Variants in SUMF2 observed in about 807,000 individuals in gnomAD.
SUMF2 encodes inactive C-alpha-formylglycine-generating enzyme 2.
Under a neutral mutation model 44.8 loss-of-function variants are expected in SUMF2, and 45 were observed. That is an observed-to-expected ratio of 1.00 (90% CI 0.79 to 1.29). SUMF2 has a LOEUF of 1.29. Among genes scored for constraint, SUMF2 ranks in the 50% most tolerant of loss-of-function variants. The pLI, the probability that SUMF2 is intolerant of heterozygous loss-of-function variation, is 0.00. For missense variants in SUMF2, 418 were observed against 389.9 expected (o/e 1.07, Z -0.61); for synonymous variants, 148 against 150.4 (o/e 0.98, Z 0.12).
chr7:56,084,516 G>A (rs1472392796), downstream of SUMF2, among the ~76,000 whole-genome samples: 1 of 151,790 alleles, frequency 6.6e-6, no homozygotes, highest in Non-Finnish European at 1.5e-5. Flanking sequence ...TGGGATTACA[G>A]GTGCCCACTA....
At chr7:56,076,216 CG>C (rs1795538802) in intron 5 of SUMF2, among the ~76,000 whole-genome samples, 1 of 152,186 alleles carries the variant, frequency 6.6e-6, no homozygotes, top group South Asian at 2.1e-4. Flanking sequence ...TTAGTAGAGA[CG>C]GGGTTTCACC....
chr7:56,079,440 G>T, intron 8 of SUMF2, 88 bp from the exon 9 acceptor site: 1 of 1,320,688 alleles, frequency 7.6e-7, no homozygotes, highest in Non-Finnish European at 1.0e-6. Context: ...GATCATGGCC[G>T]GCCCTGCGGA....
rs753224132 is a variant in SUMF2, at chr7:56,078,438, G to A, written c.751G>A (p.Val251Ile). Reference sequence around the variant, plus strand: ...CCAGGCTGCTGAGCAGGACATGCGCGTCCTCCGGGGGGCATCCTGGATCGA... The same window carrying A: ...CCAGGCTGCTGAGCAGGACATGCGCATCCTCCGGGGGGCATCCTGGATCGA... ...PYQAAEQDMR[V>I]LRGASWIDTA... The change falls in exon 8 of 9, where the codon GTC (valine) becomes ATC (isoleucine). Residue 251 changes from valine to isoleucine, a missense_variant. By Grantham distance (29) the Val-to-Ile change is conservative (BLOSUM62 3). Coordinates refer to ENST00000434526, the MANE Select transcript of SUMF2 (RefSeq NM_015411.4). The A allele has an allele frequency of 1.2e-5, 19 of 1,609,370 alleles. No homozygotes were observed. The highest frequency in any genetic ancestry group is 3.4e-5 in the Admixed American group (2 of 59,354).
chr7:56,064,832 G>A (rs1203462498), intron 1 of SUMF2, among the ~76,000 whole-genome samples: 1 of 140,644 alleles, frequency 7.1e-6, no homozygotes, highest in African/African-American at 2.7e-5. Context: ...GCAGTGAGCC[G>A]AGATCGTGCC....
At chr7:56,083,693 CA>C, downstream of SUMF2, 1 of 1,582,828 alleles carries the variant, frequency 6.3e-7, no homozygotes, top group Admixed American at 1.8e-5. Flanking sequence ...GTGAGGTAGT[CA>C]AAGAGCTCCC....
downstream of SUMF2, chr7:56,080,704 C>G (rs1249297761): frequency 6.2e-6 from 2 of 320,726 alleles, no homozygotes; most frequent in Non-Finnish European, 1.2e-5. Context: ...CCCTGTGACC[C>G]TAAGGGAAGA....
chr7:56,084,963 G>C (rs905003550), downstream of SUMF2, among the ~76,000 whole-genome samples: 1 of 151,842 alleles, frequency 6.6e-6, no homozygotes. Context: ...GCTGCAGCTG[G>C]TGAGTCTGGA....
chr7:56,081,957 A>T (rs757583640), downstream of SUMF2: 4 of 1,613,962 alleles, frequency 2.5e-6, no homozygotes, highest in Non-Finnish European at 2.5e-6. This position sits in a 1 kb window ranked among gnomAD's most constrained non-coding sequence, Gnocchi z 4.6. Flanking sequence ...GTTGCCGCTC[A>T]TGATCATCCT....
At chr7:56,078,563 G>C in intron 8 of SUMF2, 55 bp downstream of exon 8, 1 of 1,492,602 alleles carries the variant, frequency 6.7e-7, no homozygotes, top group Non-Finnish European at 8.9e-7. Flanking sequence ...GCTGATGTCT[G>C]AATCCCGGTC....
chr7:56,074,826 A>G (rs4948104), intron 5 of SUMF2, 90 bp downstream of exon 5: 1,067,819 of 1,536,130 alleles, frequency 0.7, 372,145 homozygotes, highest in Non-Finnish European at 0.71. Context: ...GGCTGGGCGC[A>G]GTGGCTTATG....
At chr7:56,086,952 C>T in the SUMF2 span, 1 of 1,605,980 alleles carries the variant, frequency 6.2e-7, no homozygotes, top group South Asian at 1.1e-5. Flanking sequence ...GTGGCTTGCT[C>T]CAGTGCTGGG....
In SUMF2 at chr7:56,078,432, A is replaced by C; in HGVS notation, c.745A>C (p.Met249Leu). 1 of 1,610,980 alleles carries C rather than the reference A, an allele frequency of 6.2e-7. No individual in the cohort carries two copies. Among genetic ancestry groups the C allele is most frequent in the Non-Finnish European group, 8.5e-7 (1 of 1,178,318 alleles). Residue 249 changes from methionine to leucine, a missense_variant, in exon 8 of 9, where the codon ATG becomes CTG. Coordinates refer to ENST00000434526, the MANE Select transcript of SUMF2 (RefSeq NM_015411.4). The stretch of plus-strand genomic sequence containing the variant: ...ACCGTACCAGGCTGCTGAGCAGGAC[A>C]TGCGCGTCCTCCGGGGGGCATCCTG... ...ASPYQAAEQD[M>L]RVLRGASWID... is the part of the protein sequence containing the mutation.
At position 56,068,356 on chromosome 7, in the gene SUMF2, T is replaced by C. The variant is rs1584572294; in HGVS notation, c.68-126T>C. On this transcript the variant is annotated intron_variant, in intron 1 of 8. Coordinates refer to ENST00000434526, the MANE Select transcript of SUMF2 (RefSeq NM_015411.4). ...AGCCCAAAAGGAATTTAAAGCCAGA[T>C]TTTTAAGCCTCCACATTTTTTGTTG... The C allele has an allele frequency of 2.5e-5, 25 of 989,708 alleles. 1 individual carries two copies. In the South Asian group the frequency reaches 4.4e-4, roughly 17 times the overall value. 61.3% of individuals were successfully genotyped at this position (989,708 alleles called of 1,614,324 possible).
At chr7:56,080,989 T>C, downstream of SUMF2, 3 of 1,587,294 alleles carry the variant, frequency 1.9e-6, no homozygotes, top group Middle Eastern at 2.3e-4. Context: ...CTCACCCCTT[T>C]GACTTGTATT....
chr7:56,076,543 G>T (rs150535826), intron 5 of SUMF2: 1 of 314,236 alleles, frequency 3.2e-6, no homozygotes, highest in Non-Finnish European at 5.8e-6. Flanking sequence ...CAAGTTTCTC[G>T]ATTTCTGTAC....
chr7:56,071,639 G>C (rs919517486), intron 2 of SUMF2, among the ~76,000 whole-genome samples: 2 of 150,178 alleles, frequency 1.3e-5, no homozygotes, highest in African/African-American at 4.9e-5. Flanking sequence ...ACAAAAATTA[G>C]CCGGGTGTGC....
rs1374636341 is a variant in SUMF2, at chr7:56,079,574, T to C, written c.868T>C (p.Cys290Arg). 1.2e-5 allele frequency: 20 copies of C among 1,614,066 alleles called. No individual in the cohort carries two copies. Among genetic ancestry groups the C allele is most frequent in the Admixed American group, 1.7e-5 (1 of 60,004 alleles). Reference protein sequence around the residue: ...DSASDNLGFRCAADAGRPPGE... With the variant: ...DSASDNLGFRRAADAGRPPGE... Reference sequence around the variant, plus strand: ...AGCCTCAGACAACCTCGGTTTCCGCTGTGCTGCAGACGCAGGCCGGCCGCC... The same window carrying C: ...AGCCTCAGACAACCTCGGTTTCCGCCGTGCTGCAGACGCAGGCCGGCCGCC... Residue 290 changes from cysteine to arginine, a missense_variant, in exon 9 of 9, where the codon TGT becomes CGT. By Grantham distance (180) the Cys-to-Arg change is radical (BLOSUM62 -3). Coordinates refer to ENST00000434526, the MANE Select transcript of SUMF2 (RefSeq NM_015411.4).
Position 56,074,200 on chromosome 7 carries a change from A to G in SUMF2, c.366A>G (p.Glu122=). ...CTGTACTCTGGTGGCTTCCAGTGGA[A>G]AAGGCATTTTGGAGGCAGGTAAGGG... The part of the protein sequence containing the change: ...MKSVLWWLPV[E]KAFWRQPAGP... Residue 122 remains glutamate, a synonymous_variant, in exon 4 of 9, where the codon GAA becomes GAG. Transcript: ENST00000434526. 6.2e-7 allele frequency: 1 copy of G among 1,613,914 alleles called. No homozygotes were observed. Among genetic ancestry groups the G allele is most frequent in the Non-Finnish European group, 8.5e-7 (1 of 1,179,996 alleles).
At chr7:56,084,862 AT>A (rs1213552052), downstream of SUMF2, among the ~76,000 whole-genome samples, 2 of 152,228 alleles carry the variant, frequency 1.3e-5, no homozygotes, top group African/African-American at 2.4e-5. Flanking sequence ...AGCATTAAAA[AT>A]AGCTTCCCCC....
Sources: allele counts gnomAD v4.1 joint callset (sites outside exome capture counted in the v4.1 genomes callset), GRCh38; gene constraint gnomAD v4.1.1; non-coding constraint Gnocchi (gnomAD v3.1); transcripts MANE v1.5; gene names NCBI Gene and HGNC (gene_info 2026-07-23, HGNC 2026-07-21).